Variants in ZNF593 observed in about 807,000 individuals in gnomAD.
The protein encoded by ZNF593 is BUD20 homolog.
A neutral mutation model predicts 12.9 loss-of-function variants in ZNF593; 18 were observed. The ratio of observed to expected loss-of-function variants is 1.40; its 90% CI spans 0.96 to 2.07. ZNF593 has a LOEUF of 2.07. Ranked by LOEUF, ZNF593 falls within the 30% of genes most tolerant of loss-of-function variation. ZNF593 has a pLI of 0.00. For synonymous variants in ZNF593, 79 were observed against 79.9 expected, an observed-to-expected ratio of 0.99 and a Z score of 0.06; for missense variants, 198 against 186.7, an observed-to-expected ratio of 1.06 and a Z score of -0.35.
At position 26,170,037 on chromosome 1, in the gene ZNF593, G is replaced by C. The variant is rs2124497249; in HGVS notation, c.54G>C (p.Gln18His). ...GAHRAHSLAR[Q>H]MKAKRRRPDL... is the part of the protein sequence containing the mutation. ...ACCGAGCGCACTCTCTAGCCCGGCA[G>C]ATGAAGGCGAAGCGGCGGCGGCCGG... The change falls in exon 1 of 3, where the codon CAG becomes CAC. Residue 18 changes from glutamine (Q) to histidine (H), a missense_variant. Physicochemically the swap from Gln to His is conservative, Grantham distance 24 (BLOSUM62 0). Coordinates refer to ENST00000374266, the MANE Select transcript of ZNF593 (RefSeq NM_015871.5). The C allele has an allele frequency of 6.4e-7, 1 of 1,573,264 alleles. No homozygotes were observed. The highest frequency in any genetic ancestry group is 8.6e-7 in the Non-Finnish European group (1 of 1,163,058).
chr1:26,170,303 G>GC (rs1432386622), intron 1 of ZNF593, 115 bp from the exon 2 acceptor site: 2 of 1,523,354 alleles, frequency 1.3e-6, no homozygotes, highest in African/African-American at 2.7e-5. Context: ...GGGTCCGCCC[G>GC]CCTCCCGTTT....
chr1:26,170,844 G>GC lies in ZNF593; in HGVS notation c.*132dup. On this transcript the variant is annotated 3_prime_UTR_variant, in exon 3 of 3. Transcript: ENST00000374266. ...GCGGAGGGCCTCTTCTTGGTGCCCTGCCCCAAATAAAGGAACTGGACAAAG... is the reference window on the plus strand; with the variant it reads ...GCGGAGGGCCTCTTCTTGGTGCCCTGCCCCCAAATAAAGGAACTGGACAAAG... 1 of 1,234,056 alleles carries GC rather than the reference G, an allele frequency of 8.1e-7. No individual in the cohort carries two copies. The highest frequency in any genetic ancestry group is 1.1e-6 in the Non-Finnish European group (1 of 906,822). 76.4% of individuals were successfully genotyped at this position (1,234,056 alleles called of 1,614,324 possible).
At chr1:26,170,251 T>C in intron 1 of ZNF593, 68 bp downstream of exon 1, 3 of 1,576,348 alleles carry the variant, frequency 1.9e-6, no homozygotes, top group Non-Finnish European at 2.6e-6. Flanking sequence ...GATGTGAAGT[T>C]GAAGCCCCAG....
rs768036011 is a variant in ZNF593 at position 26,170,763 on chromosome 1, G to C, written c.*47G>C. The C allele has an allele frequency of 2.5e-6, 4 of 1,578,710 alleles. No homozygotes were observed. Among genetic ancestry groups the C allele is most frequent in the Admixed American group, 3.4e-5 (2 of 58,778 alleles). ...AGAGGAATTGCCCATGGACAGTGAC[G>C]CAAGGACTAGGCTGGGAGGGAGCGT... On this transcript the variant is annotated 3_prime_UTR_variant, in exon 3 of 3. Transcript: ENST00000374266.
Position 26,170,188 on chromosome 1 carries a change from G to T in ZNF593, c.200+5G>T. ...GCACCGCTGTCTGGCCTGCGCGTGA[G>T]TCCCGGACGAGCCCGGCCTGGGGCG... On this transcript the variant is annotated splice_donor_5th_base_variant and intron_variant, in intron 1 of 2. Coordinates refer to ENST00000374266, the MANE Select transcript of ZNF593 (RefSeq NM_015871.5). 6.4e-7 allele frequency: 1 copy of T among 1,573,400 alleles called. No individual in the cohort carries two copies.
intron 1 of ZNF593, 92 bp from the exon 2 acceptor site, chr1:26,170,326 T>C: frequency 6.5e-7 from 1 of 1,535,426 alleles, no homozygotes; most frequent in South Asian, 1.2e-5. Context: ...CAGACCCGGA[T>C]CCTGGCGTCA....
intron 1 of ZNF593, 116 bp from the exon 2 acceptor site, chr1:26,170,302 C>G (rs768502094): frequency 1.3e-6 from 2 of 1,522,452 alleles, no homozygotes; most frequent in Non-Finnish European, 1.8e-6. Context: ...TGGGTCCGCC[C>G]GCCTCCCGTT....
In ZNF593 at chr1:26,169,937, TC is replaced by T; in HGVS notation, c.-44del. Reference sequence around the variant, plus strand: ...GGCCCGGAAGTGCTCACACGTGTGCTCCCTGCCCTGCTCCTGGCCCCTTGGC... The same window carrying T: ...GGCCCGGAAGTGCTCACACGTGTGCTCCTGCCCTGCTCCTGGCCCCTTGGC... On this transcript the variant is annotated 5_prime_UTR_variant, in exon 1 of 3. Coordinates refer to ENST00000374266, the MANE Select transcript of ZNF593 (RefSeq NM_015871.5). 1 of 1,500,980 alleles carries T rather than the reference TC, an allele frequency of 6.7e-7. No homozygotes were observed. Among genetic ancestry groups the T allele is most frequent in the African/African-American group, 1.4e-5 (1 of 72,224 alleles). 93.0% of individuals were successfully genotyped at this position (1,500,980 alleles called of 1,614,324 possible).
rs777583635 is a variant in ZNF593 at position 26,170,480 on chromosome 1, G to T, written c.263G>T (p.Arg88Met). 5 of 1,614,064 alleles carry T rather than the reference G, an allele frequency of 3.1e-6. No homozygotes were observed. The African/African-American group carries it at 5.3e-5, about 17-fold the overall frequency. ...THFRSKDHKK[R>M]LKQLSVEPYS... is the part of the protein sequence containing the mutation. ...TTCCGATCCAAAGACCACAAGAAAA[G>T]GTATGAAGGAGTAAGGAGAGGATTG... The change falls in exon 2 of 3, where the codon AGG becomes ATG. Residue 88 changes from arginine to methionine, a missense_variant and splice_region_variant. Physicochemically the swap from Arg to Met is moderately conservative, Grantham distance 91. Coordinates refer to ENST00000374266, the MANE Select transcript of ZNF593 (RefSeq NM_015871.5).
Position 26,170,098 on chromosome 1 carries a change from G to C in ZNF593, c.115G>C (p.Gly39Arg). ...DEIHRELRPQ[G>R]SARPQPDPNA... ...GATTCACCGCGAGCTGCGGCCTCAG[G>C]GATCCGCACGACCCCAGCCCGACCC... The change falls in exon 1 of 3, where the codon GGA becomes CGA. Residue 39 changes from glycine (G) to arginine (R), a missense_variant. Gly to Arg is a moderately radical substitution (Grantham distance 125). Transcript: ENST00000374266. 1.3e-6 allele frequency: 2 copies of C among 1,570,700 alleles called. No individual in the cohort carries two copies. The highest frequency in any genetic ancestry group is 2.3e-5 in the South Asian group (2 of 86,238).
chr1:26,170,440 A>G lies in ZNF593; in HGVS notation c.223A>G (p.Asn75Asp), dbSNP rs1239080354. 1 of 1,614,046 alleles carries G rather than the reference A, an allele frequency of 6.2e-7. No individual in the cohort carries two copies. Residue 75 changes from asparagine (N) to aspartate (D), a missense_variant, in exon 2 of 3, where the codon AAC (asparagine) becomes GAC (aspartate). Transcript: ENST00000374266. ...ACARYFIDST[N>D]LKTHFRSKDH... ...CAGGAGGTACTTCATCGATTCCACC[A>G]ACCTGAAGACCCACTTCCGATCCAA...
At position 26,170,083 on chromosome 1, in the gene ZNF593, G is replaced by A. The variant is rs750736560; in HGVS notation, c.100G>A (p.Glu34Lys). 6.4e-5 allele frequency: 101 copies of A among 1,572,824 alleles called. No homozygotes were observed. The highest frequency in any genetic ancestry group is 8.3e-5 in the Non-Finnish European group (97 of 1,162,050). ...RRPDLDEIHRELRPQGSARPQ... is the reference protein window; with the variant it reads ...RRPDLDEIHRKLRPQGSARPQ... ...GCCGGACTTGGATGAGATTCACCGC[G>A]AGCTGCGGCCTCAGGGATCCGCACG... Residue 34 changes from glutamate (E) to lysine (K), a missense_variant, in exon 1 of 3, where the codon GAG becomes AAG. Physicochemically the swap from Glu to Lys is moderately conservative, Grantham distance 56 (BLOSUM62 1). Coordinates refer to ENST00000374266, the MANE Select transcript of ZNF593 (RefSeq NM_015871.5).
chr1:26,170,467 G>T lies in ZNF593; in HGVS notation c.250G>T (p.Asp84Tyr), dbSNP rs2088479141. ...TNLKTHFRSKDHKKRLKQLSV... is the reference protein window; with the variant it reads ...TNLKTHFRSKYHKKRLKQLSV... ...CCTGAAGACCCACTTCCGATCCAAA[G>T]ACCACAAGAAAAGGTATGAAGGAGT... The change falls in exon 2 of 3, where the codon GAC becomes TAC. Residue 84 changes from aspartate to tyrosine, a missense_variant. By Grantham distance (160) the Asp-to-Tyr change is radical. Transcript: ENST00000374266. The T allele has an allele frequency of 5.0e-6, 8 of 1,614,082 alleles. No homozygotes were observed. The South Asian group carries it at 7.7e-5, about 16-fold the overall frequency.
rs1394316421 is a variant in ZNF593, at chr1:26,169,957, C to G, written c.-27C>G. 6.6e-7 allele frequency: 1 copy of G among 1,523,758 alleles called. No individual in the cohort carries two copies. The highest frequency in any genetic ancestry group is 1.2e-5 in the South Asian group (1 of 81,092). The allele number at this position is 1,523,758 out of a possible 1,614,324, so 94.4% of individuals were successfully genotyped here. ...TGTGCTCCCTGCCCTGCTCCTGGCC[C>G]CTTGGCCGGCCGGGCTGTTTCTGGC... On this transcript the variant is annotated 5_prime_UTR_variant, in exon 1 of 3. Transcript: ENST00000374266.
chr1:26,170,529 G>C, intron 2 of ZNF593, 46 bp from the exon 3 acceptor site: 1 of 1,614,128 alleles, frequency 6.2e-7, no homozygotes, highest in Non-Finnish European at 8.5e-7. Flanking sequence ...CAGCAGATAG[G>C]GCTCTCACCT....
In ZNF593 at chr1:26,170,804, C is replaced by T. The variant is rs2088488743; in HGVS notation, c.*88C>T. The stretch of plus-strand genomic sequence containing the variant: ...GAGGGAGCGTGCCAACCCCTTTTGC[C>T]TCTGGGTTTGGGGAGCGGAGGGCCT... On this transcript the variant is annotated 3_prime_UTR_variant, in exon 3 of 3. Coordinates refer to ENST00000374266, the MANE Select transcript of ZNF593 (RefSeq NM_015871.5). 1 of 1,510,346 alleles carries T rather than the reference C, an allele frequency of 6.6e-7. No homozygotes were observed. The highest frequency in any genetic ancestry group is 8.8e-7 in the Non-Finnish European group (1 of 1,132,772). The allele number at this position is 1,510,346 out of a possible 1,614,324, so 93.6% of individuals were successfully genotyped here.
In ZNF593 at chr1:26,170,190, C is replaced by A. The variant is rs1017316994; in HGVS notation, c.200+7C>A. On this transcript the variant is annotated splice_region_variant and intron_variant, in intron 1 of 2. Coordinates refer to ENST00000374266, the MANE Select transcript of ZNF593 (RefSeq NM_015871.5). ...ACCGCTGTCTGGCCTGCGCGTGAGT[C>A]CCGGACGAGCCCGGCCTGGGGCGGA... 5 of 1,571,328 alleles carry A rather than the reference C, an allele frequency of 3.2e-6. No homozygotes were observed. The highest frequency in any genetic ancestry group is 4.3e-6 in the Non-Finnish European group (5 of 1,162,956).
In ZNF593 at chr1:26,170,155, G is replaced by T; in HGVS notation, c.172G>T (p.Gly58Cys). 1 of 1,571,970 alleles carries T rather than the reference G, an allele frequency of 6.4e-7. No individual in the cohort carries two copies. The highest frequency in any genetic ancestry group is 8.6e-7 in the Non-Finnish European group (1 of 1,161,410). The change falls in exon 1 of 3, where the codon GGC becomes TGC. Residue 58 changes from glycine (G) to cysteine (C), a missense_variant. Transcript: ENST00000374266. ...NAEFDPDLPG[G>C]GLHRCLACAR... ...CGAGTTCGACCCCGACCTGCCAGGGGGCGGTCTGCACCGCTGTCTGGCCTG... is the reference window on the plus strand; with the variant it reads ...CGAGTTCGACCCCGACCTGCCAGGGTGCGGTCTGCACCGCTGTCTGGCCTG...
rs2088478514 is a variant in ZNF593 at position 26,170,450 on chromosome 1, C to G, written c.233C>G (p.Thr78Ser). The G allele has an allele frequency of 6.2e-7, 1 of 1,614,080 alleles. No individual in the cohort carries two copies. The highest frequency in any genetic ancestry group is 1.3e-5 in the African/African-American group (1 of 74,928). Residue 78 changes from threonine to serine, a missense_variant, in exon 2 of 3, where the codon ACC (threonine) becomes AGC (serine). Coordinates refer to ENST00000374266, the MANE Select transcript of ZNF593 (RefSeq NM_015871.5). ...RYFIDSTNLK[T>S]HFRSKDHKKR... is the part of the protein sequence containing the mutation. ...TTCATCGATTCCACCAACCTGAAGA[C>G]CCACTTCCGATCCAAAGACCACAAG...
Sources: gnomAD v4.1 joint callset for allele counts on GRCh38, gnomAD v4.1.1 for gene constraint, MANE v1.5 for transcripts, NCBI Gene and HGNC (gene_info 2026-07-23, HGNC 2026-07-21) for gene names.